Variants in MACROD2 observed in about 807,000 individuals in gnomAD.
MACROD2 encodes the protein mono-ADP ribosylhydrolase 2, also known as ADP-ribose glycohydrolase MACROD2.
Under a neutral mutation model 70.4 loss-of-function variants are expected in MACROD2, and 36 were observed. The observed-to-expected ratio is 0.51, with a 90% CI of 0.39 to 0.68. The LOEUF is 0.68. Among genes scored for constraint, MACROD2 ranks in the 30% least tolerant of loss-of-function variants. MACROD2 has a pLI of 0.00. For synonymous variants in MACROD2, 172 were observed against 178.8 expected, an observed-to-expected ratio of 0.96 and a Z score of 0.30; for missense variants, 496 against 538.4, an observed-to-expected ratio of 0.92 and a Z score of 0.78.
At chr20:14,811,671 A>G (rs2072712588) in intron 5 of MACROD2, among the ~76,000 whole-genome samples, 1 of 152,102 alleles carries the variant, frequency 6.6e-6, no homozygotes, top group Admixed American at 6.6e-5. Context: ...AAAGTTTTGC[A>G]ATCCATCCAT....
chr20:15,571,146 A>ATGTGG (rs1390717707), intron 8 of MACROD2, among the ~76,000 whole-genome samples: 2 of 152,158 alleles, frequency 1.3e-5, no homozygotes, highest in Non-Finnish European at 2.9e-5. Flanking sequence ...ATACAGAAAT[A>ATGTGG]CTTTTTACTG....
chr20:14,230,631 T>TATATATATATATATATATATATATATATA (rs1569217269), intron 3 of MACROD2, among the ~76,000 whole-genome samples: 4 of 94,254 alleles, frequency 4.2e-5, no homozygotes, highest in African/African-American at 2.2e-4. Context: ...TCATTCATGT[T>TATATATATATATATATATATATATATATA]TATATATATA....
intron 5 of MACROD2, among the ~76,000 whole-genome samples, chr20:14,742,970 T>G (rs2071752585): frequency 6.6e-6 from 1 of 151,610 alleles, no homozygotes. Context: ...GTTTCACCGT[T>G]TTAGCCGGGA....
intron 8 of MACROD2, among the ~76,000 whole-genome samples, chr20:15,793,586 A>G (rs2063645612): frequency 6.6e-6 from 1 of 151,938 alleles, no homozygotes; most frequent in Non-Finnish European, 1.5e-5. Flanking sequence ...TCTACCAAAT[A>G]AGATCAAATC....
intron 5 of MACROD2, among the ~76,000 whole-genome samples, chr20:14,917,145 T>C (rs555610087): frequency 6.6e-6 from 1 of 151,070 alleles, no homozygotes; most frequent in Non-Finnish European, 1.5e-5. Context: ...CCATCCCTGC[T>C]CAGATGGTTT....
chr20:14,443,458 G>A (rs967473838), intron 3 of MACROD2, among the ~76,000 whole-genome samples: 12 of 151,584 alleles, frequency 7.9e-5, no homozygotes, highest in Non-Finnish European at 1.5e-4. Flanking sequence ...CACTACGCCT[G>A]TCTGACTTTT....
At chr20:14,452,513 GTAACAGTCTTAT>G (rs1207410570) in intron 3 of MACROD2, among the ~76,000 whole-genome samples, 2 of 152,050 alleles carry the variant, frequency 1.3e-5, no homozygotes, top group Admixed American at 6.6e-5. Context: ...TGTGACACCA[GTAACAGTCTTAT>G]TATTACCAAC....
intron 12 of MACROD2, among the ~76,000 whole-genome samples, chr20:15,940,148 C>T (rs2065729497): frequency 6.6e-6 from 1 of 152,066 alleles, no homozygotes; most frequent in South Asian, 2.1e-4. Flanking sequence ...GGCTGGAGTG[C>T]AATGGTGCGA....
chr20:14,565,359 A>AAT (rs1555802886), intron 4 of MACROD2, among the ~76,000 whole-genome samples: 35 of 150,656 alleles, frequency 2.3e-4, no homozygotes, highest in Admixed American at 1.5e-3. Flanking sequence ...AAAAAAAAAA[A>AAT]TTTTTTTTTA....
In MACROD2 at chr20:15,184,804, C is replaced by A. The variant is rs539932803; in HGVS notation, c.419-45136C>A. On this transcript the variant is annotated intron_variant, in intron 5 of 17. Coordinates refer to ENST00000684519, the MANE Select transcript of MACROD2 (RefSeq NM_001351661.2). ...AAAACCTCACTGATCCAAGAGCACTCTCTGATAATGCTAATTAGAAATACG... is the reference window on the plus strand; with the variant it reads ...AAAACCTCACTGATCCAAGAGCACTATCTGATAATGCTAATTAGAAATACG... Among the ~76,000 whole-genome samples the A allele has an allele frequency of 2.6e-5, 4 of 152,254 alleles. No homozygotes were observed. In the East Asian group the frequency reaches 5.8e-4, roughly 22 times the overall value.
intron 8 of MACROD2, among the ~76,000 whole-genome samples, chr20:15,765,180 A>G (rs1477201347): frequency 1.3e-5 from 2 of 152,158 alleles, no homozygotes; most frequent in African/African-American, 2.4e-5. Flanking sequence ...GCAACCTGCT[A>G]TCCATTGACA....
chr20:15,111,177 G>GTTT (rs11482162), intron 5 of MACROD2, among the ~76,000 whole-genome samples: 45 of 140,796 alleles, frequency 3.2e-4, no homozygotes, highest in African/African-American at 8.2e-4. Context: ...GTTTTTGTTT[G>GTTT]TTTTTTTTTT....
chr20:14,386,134 C>G (rs547424055), intron 3 of MACROD2, among the ~76,000 whole-genome samples: 13 of 152,264 alleles, frequency 8.5e-5, no homozygotes, highest in African/African-American at 2.4e-4. Context: ...TTTTTATCTT[C>G]ATTTACCAAA....
chr20:15,479,542 G>A (rs907770718), intron 7 of MACROD2, among the ~76,000 whole-genome samples: 7 of 151,924 alleles, frequency 4.6e-5, no homozygotes, highest in African/African-American at 1.7e-4. Flanking sequence ...CAAAGTGCTG[G>A]GATTACAGGC....
At chr20:14,033,148 C>A (rs1473095752) in intron 2 of MACROD2, among the ~76,000 whole-genome samples, 1 of 142,928 alleles carries the variant, frequency 7.0e-6, no homozygotes, top group African/African-American at 2.6e-5. Flanking sequence ...GTGTGGTAGG[C>A]GGTAAGTTGT....
intron 5 of MACROD2, among the ~76,000 whole-genome samples, chr20:15,167,122 G>A (rs1321491766): frequency 6.6e-6 from 1 of 152,002 alleles, no homozygotes; most frequent in Non-Finnish European, 1.5e-5. Flanking sequence ...AAGTTCAACA[G>A]AGTTTCTGGG....
chr20:14,683,814 A>G (rs2070965088), intron 4 of MACROD2, among the ~76,000 whole-genome samples: 1 of 152,122 alleles, frequency 6.6e-6, no homozygotes, highest in Admixed American at 6.5e-5. Flanking sequence ...ATCTATTTTC[A>G]CATTCCAGTT....
chr20:14,888,328 G>T (rs555985541), intron 5 of MACROD2: 1 of 152,228 alleles, frequency 6.6e-6, no homozygotes, highest in Non-Finnish European at 1.5e-5. Context: ...GGAAATGGAG[G>T]TTCTGAGTTT....
intron 5 of MACROD2, among the ~76,000 whole-genome samples, chr20:14,980,459 C>G (rs1280079545): frequency 6.6e-6 from 1 of 152,134 alleles, no homozygotes; most frequent in African/African-American, 2.4e-5. Flanking sequence ...GAAATAAATT[C>G]CTTGTCTTTG....
Sources: allele counts gnomAD v4.1 joint callset (sites outside exome capture counted in the v4.1 genomes callset), GRCh38; gene constraint gnomAD v4.1.1; transcripts MANE v1.5; gene names NCBI Gene and HGNC (gene_info 2026-07-23, HGNC 2026-07-21).